The following IL31RA variants were observed in gnomAD, a reference collection of about 807,000 sequenced individuals.
IL31RA encodes the protein interleukin 31 receptor A, also known as interleukin-31 receptor subunit alpha.
IL31RA carries 66 observed loss-of-function variants against 83.7 expected under a neutral mutation model. That is an observed-to-expected ratio of 0.79 (90% CI 0.65 to 0.97). The LOEUF (loss-of-function observed/expected upper bound fraction) is 0.97. IL31RA is among the 50% of genes least tolerant of loss of function. The pLI is 0.00. For synonymous variants in IL31RA, 325 were observed against 329.0 expected (o/e 0.99, Z 0.13); for missense variants, 798 against 919.4 (o/e 0.87, Z 1.71).
chr5:55,866,129 C>T lies in IL31RA; in HGVS notation c.155-2662C>T, dbSNP rs544620411. On this transcript the variant is annotated intron_variant, in intron 2 of 14. Coordinates refer to ENST00000652347, the MANE Select transcript of IL31RA (RefSeq NM_139017.7). ...TGGTCCCGTCTCACAGCTGTATCCT[C>T]GCCCCTGACTTTGAGGGCACAGGGA... Among the ~76,000 whole-genome samples, 12 of 152,296 alleles carry T rather than the reference C, an allele frequency of 7.9e-5. No homozygotes were observed. In the East Asian group the frequency reaches 2.3e-3, roughly 29 times the overall value.
intron 10 of IL31RA, 147 bp from the exon 11 acceptor site, chr5:55,908,118 C>A: frequency 2.7e-6 from 3 of 1,112,920 alleles, no homozygotes; most frequent in Non-Finnish European, 3.9e-6. Context: ...TTTTCCCAAA[C>A]AAGCTGATTC....
At position 55,918,316 on chromosome 5, in the gene IL31RA, GGA is replaced by G. The variant is rs1749909626; in HGVS notation, c.*1200_*1201del. Among the ~76,000 whole-genome samples, 1 of 152,170 alleles carries G rather than the reference GGA, an allele frequency of 6.6e-6. No homozygotes were observed. Among genetic ancestry groups the G allele is most frequent in the African/African-American group, 2.4e-5 (1 of 41,438 alleles). ...AGGAAGGCTGATGGTATTTTTTCTA[GGA>G]GAGTTTGAGGAATCAGTACTAGGAT... On this transcript the variant is annotated 3_prime_UTR_variant, in exon 15 of 15. Coordinates refer to ENST00000652347, the MANE Select transcript of IL31RA (RefSeq NM_139017.7).
Position 55,890,063 on chromosome 5 carries a change from CG to C in IL31RA, c.701del (p.Arg234HisfsTer20). ...TTTTACAGAATATGTCATAGCTCTGCGATGTGCGGTCAAGGAGTCAAAGTTC... is the reference window on the plus strand; with the variant it reads ...TTTTACAGAATATGTCATAGCTCTGCATGTGCGGTCAAGGAGTCAAAGTTC... ...QPFTEYVIAL[R>X]CAVKESKFWS... On this transcript the variant is annotated frameshift_variant, in exon 6 of 15. Coordinates refer to ENST00000652347, the MANE Select transcript of IL31RA (RefSeq NM_139017.7). LOFTEE classifies it high-confidence loss of function. 2 of 1,613,916 alleles carry C rather than the reference CG, an allele frequency of 1.2e-6. No homozygotes were observed. Among genetic ancestry groups the C allele is most frequent in the Non-Finnish European group, 1.7e-6 (2 of 1,179,846 alleles).
rs148880260 is a variant in IL31RA, at chr5:55,922,247, C to T, written c.*5127C>T. 190 of 711,108 alleles carry T rather than the reference C, an allele frequency of 2.7e-4. No individual in the cohort carries two copies. Among genetic ancestry groups the T allele is most frequent in the South Asian group, 6.2e-4 (40 of 64,936 alleles). The allele number at this position is 711,108 out of a possible 1,614,324, so 44.0% of individuals were successfully genotyped here. A position where few individuals can be genotyped will look rare whatever the true frequency, so the allele number is the denominator to read the frequency against. Reference sequence around the variant, plus strand: ...CTATGCAGGGCTGTGCTGCCCAAGACGCTTGTCGTGTGCTGATGAAAAGGG... The same window carrying T: ...CTATGCAGGGCTGTGCTGCCCAAGATGCTTGTCGTGTGCTGATGAAAAGGG... On this transcript the variant is annotated 3_prime_UTR_variant, in exon 15 of 15. Transcript: ENST00000652347.
intron 5 of IL31RA, 99 bp downstream of exon 5, chr5:55,883,294 A>C (rs1412043518): frequency 9.9e-6 from 11 of 1,115,910 alleles, no homozygotes; most frequent in Non-Finnish European, 1.5e-5. Flanking sequence ...CACTTTTTAC[A>C]TTAAAAATAG....
At chr5:55,873,167 CT>C (rs1242188443) in intron 4 of IL31RA, among the ~76,000 whole-genome samples, 2 of 152,058 alleles carry the variant, frequency 1.3e-5, no homozygotes, top group South Asian at 2.1e-4. Flanking sequence ...AATATGTGGT[CT>C]TTTTATCTAA....
rs983099238 is a variant in IL31RA at position 55,918,490 on chromosome 5, G to T, written c.*1370G>T. On this transcript the variant is annotated 3_prime_UTR_variant, in exon 15 of 15. Coordinates refer to ENST00000652347, the MANE Select transcript of IL31RA (RefSeq NM_139017.7). ...ATGATTTCTGAGTTGCCGTAGGTTT[G>T]TGACTCAGTCACATTTGGGGTTTTG... is the stretch of plus-strand genomic sequence containing the variant. 1.3e-5 allele frequency among the ~76,000 whole-genome samples: 2 copies of T among 152,176 alleles called. No homozygotes were observed. The highest frequency in any genetic ancestry group is 2.9e-5 in the Non-Finnish European group (2 of 68,034).
intron 5 of IL31RA, among the ~76,000 whole-genome samples, chr5:55,885,294 T>C (rs1318361098): frequency 6.6e-6 from 1 of 152,174 alleles, no homozygotes; most frequent in South Asian, 2.1e-4. Flanking sequence ...GAATTTTTGC[T>C]CCTTAGTTCA....
intron 4 of IL31RA, among the ~76,000 whole-genome samples, chr5:55,875,106 C>A (rs1272743206): frequency 6.6e-6 from 1 of 151,990 alleles, no homozygotes; most frequent in Admixed American, 6.6e-5. Context: ...TGTCACATGC[C>A]TTTTCTTTAT....
rs13155238 is a variant in IL31RA at position 55,920,199 on chromosome 5, G to C, written c.*3079G>C. Among the ~76,000 whole-genome samples, 252 of 152,348 alleles carry C rather than the reference G, an allele frequency of 1.7e-3. 3 individuals carry two copies. Among genetic ancestry groups the C allele is most frequent in the South Asian group, 3.5e-3 (17 of 4,828 alleles). ...AGAGATGAAAAAGGAGAGGCCCACAGTATGGATGCCTCCGGCTGCTCTGCT... is the reference window on the plus strand; with the variant it reads ...AGAGATGAAAAAGGAGAGGCCCACACTATGGATGCCTCCGGCTGCTCTGCT... On this transcript the variant is annotated 3_prime_UTR_variant, in exon 15 of 15. Transcript: ENST00000652347.
Position 55,917,003 on chromosome 5 carries a change from A to G in IL31RA, c.2178A>G (p.Leu726=). The G allele has an allele frequency of 6.2e-7, 1 of 1,614,208 alleles. No individual in the cohort carries two copies. The highest frequency in any genetic ancestry group is 1.7e-5 in the Admixed American group (1 of 60,034). Residue 726 remains leucine, a synonymous_variant, in exon 15 of 15, where the codon TTA becomes TTG. Coordinates refer to ENST00000652347, the MANE Select transcript of IL31RA (RefSeq NM_139017.7). ...KEQLLFSGQS[L]VPDHLCEEGA... ...AGCTTCTCTTTTCTGGTCAAAGTTT[A>G]GTACCAGATCATCTGTGTGAGGAAG... is the stretch of plus-strand genomic sequence containing the variant.
upstream of IL31RA, among the ~76,000 whole-genome samples, chr5:55,846,871 T>C (rs752328900): frequency 6.6e-6 from 1 of 152,174 alleles, no homozygotes; most frequent in Non-Finnish European, 1.5e-5. Flanking sequence ...TGGGTAAACC[T>C]GTGTGCTCAA....
At position 55,896,424 on chromosome 5, in the gene IL31RA, T is replaced by G; in HGVS notation, c.847T>G (p.Trp283Gly). 6.2e-7 allele frequency: 1 copy of G among 1,610,668 alleles called. No individual in the cohort carries two copies. The stretch of plus-strand genomic sequence containing the variant: ...TGGAAGAAGGCCAGTGCGGTTGTTA[T>G]GGAAGGTGACCTCCCTCTGGATTCT... ...ADGRRPVRLL[W>G]KKARGAPVLE... Residue 283 changes from tryptophan to glycine, a missense_variant, in exon 7 of 15, where the codon TGG becomes GGG. Coordinates refer to ENST00000652347, the MANE Select transcript of IL31RA (RefSeq NM_139017.7).
intron 10 of IL31RA, 91 bp from the exon 11 acceptor site, chr5:55,908,174 T>C (rs1338322700): frequency 1.9e-6 from 3 of 1,586,686 alleles, no homozygotes; most frequent in Non-Finnish European, 2.6e-6. Flanking sequence ...AGCACTATGG[T>C]TTGGTCTGAG....
In IL31RA at chr5:55,918,797, C is replaced by T. The variant is rs1749940262; in HGVS notation, c.*1677C>T. ...CTAACATCTCCAGCGGCTGCAGCCA[C>T]CCCCCCACCACCCACCCAGGACTCA... On this transcript the variant is annotated 3_prime_UTR_variant, in exon 15 of 15. Transcript: ENST00000652347. 6.6e-6 allele frequency among the ~76,000 whole-genome samples: 1 copy of T among 151,704 alleles called. No homozygotes were observed.
chr5:55,867,288 T>C (rs1374795976), intron 2 of IL31RA, among the ~76,000 whole-genome samples: 2 of 105,844 alleles, frequency 1.9e-5, no homozygotes, highest in Non-Finnish European at 3.6e-5. Context: ...CATGTGTGTG[T>C]GCATGTGTGT....
rs866574112 is a variant in IL31RA at position 55,867,104 on chromosome 5, T to C, written c.155-1687T>C. 4.0e-5 allele frequency among the ~76,000 whole-genome samples: 5 copies of C among 124,590 alleles called. 1 individual carries two copies. The highest frequency in any genetic ancestry group is 8.9e-5 in the Non-Finnish European group (5 of 56,424). 81.7% of individuals were successfully genotyped at this position (124,590 alleles called of 152,430 possible). A position where few individuals can be genotyped will look rare whatever the true frequency, so the allele number is the denominator to read the frequency against. ...GTGTGTTTGTGTGTGTGTGTTTGTG[T>C]GTGTGTGCATGTGTGTGTTTGTGTG... On this transcript the variant is annotated intron_variant, in intron 2 of 14. Coordinates refer to ENST00000652347, the MANE Select transcript of IL31RA (RefSeq NM_139017.7).
upstream of IL31RA, among the ~76,000 whole-genome samples, chr5:55,847,814 C>G (rs141005811): frequency 1.2e-3 from 186 of 152,270 alleles, 2 homozygotes; most frequent in Middle Eastern, 0.014. Flanking sequence ...TACATTGAGT[C>G]ATCATATCTT....
chr5:55,885,081 C>CA (rs1747498057), intron 5 of IL31RA, among the ~76,000 whole-genome samples: 1 of 152,012 alleles, frequency 6.6e-6, no homozygotes, highest in Non-Finnish European at 1.5e-5. Context: ...ATCAACCCCT[C>CA]CTTTGGATAT....
Sources: gnomAD v4.1 joint callset for allele counts (sites outside exome capture counted in the v4.1 genomes callset) on GRCh38, gnomAD v4.1.1 for gene constraint, MANE v1.5 for transcripts, NCBI Gene and HGNC (gene_info 2026-07-23, HGNC 2026-07-21) for gene names.